The following ARHGAP35 variants were observed in gnomAD, a reference collection of about 807,000 sequenced individuals.
The protein encoded by ARHGAP35 is Rho GTPase activating protein 35, also known as rho GTPase-activating protein 35.
ARHGAP35 carries 15 observed loss-of-function variants against 111.1 expected under a neutral mutation model. The observed-to-expected ratio is 0.13, with a 90% CI of 0.09 to 0.21. The LOEUF is 0.21. Among genes scored for constraint, ARHGAP35 ranks in the 10% least tolerant of loss-of-function variants. The pLI, the probability that ARHGAP35 is intolerant of heterozygous loss-of-function variation, is 1.00. For synonymous variants in ARHGAP35, 643 were observed against 710.3 expected (o/e 0.91, Z 1.51); for missense variants, 1,262 against 1,873.0 (o/e 0.67, Z 6.02).
chr19:46,930,901 T>G (rs534309368), intron 2 of ARHGAP35, among the ~76,000 whole-genome samples: 329 of 152,150 alleles, frequency 2.2e-3, no homozygotes, highest in Non-Finnish European at 3.2e-3. Flanking sequence ...CAGTTTGTTA[T>G]GTGGCCTTGG....
intron 3 of ARHGAP35, among the ~76,000 whole-genome samples, chr19:46,964,157 C>T (rs924217320): frequency 5.9e-5 from 9 of 152,084 alleles, no homozygotes; most frequent in Middle Eastern, 3.4e-3. Flanking sequence ...CATGAGCCAC[C>T]GGACTCATTA....
At chr19:46,903,252 C>T (rs2056090389) in intron 1 of ARHGAP35, among the ~76,000 whole-genome samples, 1 of 152,188 alleles carries the variant, frequency 6.6e-6, no homozygotes, top group Non-Finnish European at 1.5e-5. Flanking sequence ...ATCATATTAG[C>T]TATGGTACAA....
At position 47,002,815 on chromosome 19, in the gene ARHGAP35, C is replaced by G. The variant is rs2056755104; in HGVS notation, c.*2127C>G. On this transcript the variant is annotated 3_prime_UTR_variant, in exon 7 of 7. Transcript: ENST00000672722. ...AACACTGCCACCTCTTTTGTGTGAG[C>G]ACAAAAGCCACGTCCCAAGCCACCT... is the stretch of plus-strand genomic sequence containing the variant. 1 of 152,294 alleles carries G rather than the reference C, an allele frequency of 6.6e-6. No individual in the cohort carries two copies. Among genetic ancestry groups the G allele is most frequent in the Non-Finnish European group, 1.5e-5 (1 of 68,136 alleles). The allele number at this position is 152,294 out of a possible 1,614,324, so 9.4% of individuals were successfully genotyped here. A position where few individuals can be genotyped will look rare whatever the true frequency, so the allele number is the denominator to read the frequency against.
chr19:46,948,168 AG>A (rs1033381973), intron 3 of ARHGAP35: 1 of 152,240 alleles, frequency 6.6e-6, no homozygotes, highest in Non-Finnish European at 1.5e-5. Context: ...GGCAGGTGAA[AG>A]GAGGACAGGA....
intron 1 of ARHGAP35, among the ~76,000 whole-genome samples, chr19:46,874,958 C>A (rs1425122473): frequency 2.7e-4 from 41 of 151,342 alleles, no homozygotes; most frequent in East Asian, 1.9e-4. Flanking sequence ...ATTACAGGCG[C>A]CCACCACCAC....
At chr19:46,935,910 T>C (rs1041872657) in intron 2 of ARHGAP35, among the ~76,000 whole-genome samples, 6 of 152,210 alleles carry the variant, frequency 3.9e-5, no homozygotes, top group African/African-American at 1.4e-4. Context: ...GTATTAATCA[T>C]GTTAATGAGC....
intron 1 of ARHGAP35, among the ~76,000 whole-genome samples, chr19:46,905,491 T>C (rs1319728791): frequency 6.7e-6 from 1 of 150,244 alleles, no homozygotes; most frequent in Non-Finnish European, 1.5e-5. Flanking sequence ...CTCTCCTGCC[T>C]CAGCCTCCCG....
At position 46,920,695 on chromosome 19, in the gene ARHGAP35, G is replaced by A; in HGVS notation, c.2020G>A (p.Val674Ile). ...LYNSKESLSY[V>I]VESIEKSRES... ...CAATTCAAAGGAATCGCTATCCTAT[G>A]TAGTGGAAAGTATAGAGAAGAGTAG... Residue 674 changes from valine (V) to isoleucine (I), a missense_variant, in exon 2 of 7, where the codon GTA becomes ATA. Physicochemically the swap from Val to Ile is conservative, Grantham distance 29. Coordinates refer to ENST00000672722, the MANE Select transcript of ARHGAP35 (RefSeq NM_004491.5). This position sits in a 1 kb window ranked among gnomAD's most constrained non-coding sequence, Gnocchi z 7.0. 1 of 1,613,890 alleles carries A rather than the reference G, an allele frequency of 6.2e-7. No individual in the cohort carries two copies. Among genetic ancestry groups the A allele is most frequent in the Non-Finnish European group, 8.5e-7 (1 of 1,179,858 alleles).
chr19:46,928,768 C>A (rs1454447486), intron 2 of ARHGAP35, among the ~76,000 whole-genome samples: 1 of 151,968 alleles, frequency 6.6e-6, no homozygotes, highest in African/African-American at 2.4e-5. Flanking sequence ...CCCGTCTCTA[C>A]AAAAAATACA....
intron 3 of ARHGAP35, among the ~76,000 whole-genome samples, chr19:46,943,951 T>C (rs1472702396): frequency 1.3e-5 from 2 of 152,140 alleles, no homozygotes; most frequent in African/African-American, 4.8e-5. Context: ...TAGCCATTGA[T>C]AAATCGGGAC....
rs747700287 is a variant in ARHGAP35, at chr19:46,921,676, T to C, written c.3001T>C (p.Ser1001Pro). 8 of 1,613,928 alleles carry C rather than the reference T, an allele frequency of 5.0e-6. 1 individual carries two copies. In the South Asian group the frequency reaches 8.8e-5, roughly 18 times the overall value. ...PSYSLFREDTSLPSLSKDHSK... is the reference protein window; with the variant it reads ...PSYSLFREDTPLPSLSKDHSK... ...TTACAGCCTGTTTCGAGAAGACACA[T>C]CACTGCCTTCTCTGTCCAAAGACCA... The change falls in exon 2 of 7, where the codon TCA becomes CCA. Residue 1001 changes from serine (S) to proline (P), a missense_variant. By Grantham distance (74) the Ser-to-Pro change is moderately conservative. Transcript: ENST00000672722. The surrounding 1 kb of genome is among the most constrained non-coding windows in gnomAD (Gnocchi z 4.3).
chr19:46,891,530 G>A (rs1054782959), intron 1 of ARHGAP35, among the ~76,000 whole-genome samples: 7 of 151,668 alleles, frequency 4.6e-5, no homozygotes, highest in East Asian at 1.9e-4. Flanking sequence ...GGGTTCAAGC[G>A]ATTCTCCTTC....
In ARHGAP35 at chr19:46,992,683, A is replaced by G. The variant is rs944914094; in HGVS notation, c.4036+3008A>G. Among the ~76,000 whole-genome samples, 2 of 152,232 alleles carry G rather than the reference A, an allele frequency of 1.3e-5. No individual in the cohort carries two copies. The highest frequency in any genetic ancestry group is 2.9e-5 in the Non-Finnish European group (2 of 68,036). The stretch of plus-strand genomic sequence containing the variant: ...TCAGGACCAAAGGACCTGTGGCTCC[A>G]GGGTCCGCATTAACTCCCTGTAATA... On this transcript the variant is annotated intron_variant, in intron 5 of 6. Transcript: ENST00000672722. The surrounding 1 kb of genome is among the most constrained non-coding windows in gnomAD (Gnocchi z 4.4).
chr19:47,004,572 C>G lies in ARHGAP35; in HGVS notation c.*3884C>G, dbSNP rs192714978. 6.6e-6 allele frequency: 1 copy of G among 152,620 alleles called. No homozygotes were observed. The highest frequency in any genetic ancestry group is 1.5e-5 in the Non-Finnish European group (1 of 68,042). The allele number at this position is 152,620 out of a possible 1,614,324, so 9.5% of individuals were successfully genotyped here. A position where few individuals can be genotyped will look rare whatever the true frequency, so the allele number is the denominator to read the frequency against. ...TTGAAAATTTGGAATAGTGCTGCTG[C>G]CAGCTTATTTTTCTGGTACTTGTAT... On this transcript the variant is annotated 3_prime_UTR_variant, in exon 7 of 7. Coordinates refer to ENST00000672722, the MANE Select transcript of ARHGAP35 (RefSeq NM_004491.5).
At chr19:46,885,434 G>A (rs2055988688) in intron 1 of ARHGAP35, among the ~76,000 whole-genome samples, 2 of 152,170 alleles carry the variant, frequency 1.3e-5, no homozygotes, top group Admixed American at 1.3e-4. Context: ...GCTAGGTGAT[G>A]TAAGCTAAGG....
At position 46,899,726 on chromosome 19, in the gene ARHGAP35, C is replaced by A. The variant is rs55710191; in HGVS notation, c.-188-18762C>A. On this transcript the variant is annotated intron_variant, in intron 1 of 6. Coordinates refer to ENST00000672722, the MANE Select transcript of ARHGAP35 (RefSeq NM_004491.5). ...AAAAAAACAAAAACAAAAACAAAAACAAAAAAAAAAAGAAGAAGATTAACC... is the reference window on the plus strand; with the variant it reads ...AAAAAAACAAAAACAAAAACAAAAAAAAAAAAAAAAAGAAGAAGATTAACC... Among the ~76,000 whole-genome samples, 71 of 139,038 alleles carry A rather than the reference C, an allele frequency of 5.1e-4. 2 individuals carry two copies. The South Asian group carries it at 6.5e-3, about 13-fold the overall frequency. The allele number at this position is 139,038 out of a possible 152,430, so 91.2% of individuals were successfully genotyped here.
At chr19:46,983,338 G>C (rs1477360434) in intron 3 of ARHGAP35, among the ~76,000 whole-genome samples, 1 of 152,156 alleles carries the variant, frequency 6.6e-6, no homozygotes, top group East Asian at 1.9e-4. Context: ...CACCAGTCTG[G>C]AGGGGTTATT....
At chr19:46,970,446 T>C (rs1287331493) in intron 3 of ARHGAP35, among the ~76,000 whole-genome samples, 1 of 152,176 alleles carries the variant, frequency 6.6e-6, no homozygotes, top group Non-Finnish European at 1.5e-5. Flanking sequence ...GTAGGGGTGC[T>C]TAACCTAAGG....
At chr19:46,940,924 G>C (rs1340028479) in intron 3 of ARHGAP35, among the ~76,000 whole-genome samples, 2 of 152,012 alleles carry the variant, frequency 1.3e-5, no homozygotes, top group African/African-American at 4.8e-5. Flanking sequence ...CAGTTTATCT[G>C]CTGAAAACCC....
Sources: gnomAD v4.1 joint callset for allele counts (sites outside exome capture counted in the v4.1 genomes callset) on GRCh38, gnomAD v4.1.1 for gene constraint, Gnocchi (gnomAD v3.1) non-coding constraint, MANE v1.5 for transcripts, NCBI Gene and HGNC (gene_info 2026-07-23, HGNC 2026-07-21) for gene names.